COMMD6: variants seen among roughly 807,000 people sequenced by gnomAD.
The protein encoded by COMMD6 is COMM domain-containing protein 6.
COMMD6 carries 11 observed loss-of-function variants against 13.4 expected under a neutral mutation model. That is an observed-to-expected ratio of 0.82 (90% CI 0.52 to 1.36). The LOEUF (loss-of-function observed/expected upper bound fraction) is 1.36. Ranked by LOEUF, COMMD6 falls within the 40% of genes most tolerant of loss-of-function variation. COMMD6 has a pLI of 0.00. For synonymous variants in COMMD6, 43 were observed against 36.5 expected, an observed-to-expected ratio of 1.18 and a Z score of -0.64; for missense variants, 124 against 102.4, an observed-to-expected ratio of 1.21 and a Z score of -0.91.
At position 75,526,511 on chromosome 13, in the gene COMMD6, T is replaced by C. The variant is rs542385667; in HGVS notation, c.*78A>G. 1.1e-6 allele frequency: 1 copy of C among 944,390 alleles called. No individual in the cohort carries two copies. Among genetic ancestry groups the C allele is most frequent in the Non-Finnish European group, 1.6e-6 (1 of 614,368 alleles). 58.5% of individuals were successfully genotyped at this position (944,390 alleles called of 1,614,324 possible). A position where few individuals can be genotyped will look rare whatever the true frequency, so the allele number is the denominator to read the frequency against. The stretch of plus-strand genomic sequence containing the variant: ...CATTTTTCATTCAATAAATGTTCCA[T>C]CCTTATTTAGTTTTGTTGCCGAAAG... On this transcript the variant is annotated 3_prime_UTR_variant, in exon 4 of 4. Transcript: ENST00000682242.
intron 2 of COMMD6, among the ~76,000 whole-genome samples, chr13:75,534,594 C>T (rs1484014053): frequency 6.6e-5 from 10 of 152,002 alleles, no homozygotes; most frequent in Admixed American, 6.6e-4. Flanking sequence ...AAGAATGAAA[C>T]AATGTGCGGT....
chr13:75,542,290 C>CTTT (rs59815923), upstream of COMMD6, among the ~76,000 whole-genome samples: 69 of 138,116 alleles, frequency 5.0e-4, no homozygotes, highest in African/African-American at 1.5e-3. Context: ...TCTTTCTTTC[C>CTTT]TTTTTTTTTT....
At chr13:75,527,485 G>C (rs2030302531) in intron 3 of COMMD6, among the ~76,000 whole-genome samples, 1 of 152,150 alleles carries the variant, frequency 6.6e-6, no homozygotes, top group Non-Finnish European at 1.5e-5. Context: ...TTAGCTCTCA[G>C]TCATGTAATG....
intron 2 of COMMD6, among the ~76,000 whole-genome samples, chr13:75,532,218 G>A (rs2030505069): frequency 6.6e-6 from 1 of 152,158 alleles, no homozygotes; most frequent in South Asian, 2.1e-4. Context: ...GTGGTTACAC[G>A]AGTGTTCGCT....
rs540984017 is a variant in COMMD6 at position 75,527,939 on chromosome 13, G to A, written c.208-1300C>T. On this transcript the variant is annotated intron_variant, in intron 3 of 3. Coordinates refer to ENST00000682242, the MANE Select transcript of COMMD6 (RefSeq NM_203495.4). ...TCTGAGATCTAATGTACAATATGGT[G>A]ACTACAGTAATATTGTTATTGTTTA... 3.8e-6 allele frequency: 5 copies of A among 1,323,896 alleles called. No individual in the cohort carries two copies. In the East Asian group the frequency reaches 1.4e-4, roughly 37 times the overall value. The allele number at this position is 1,323,896 out of a possible 1,614,324, so 82.0% of individuals were successfully genotyped here.
At chr13:75,544,347 C>T (rs2030869763) in intron 1 of COMMD6, among the ~76,000 whole-genome samples, 1 of 152,156 alleles carries the variant, frequency 6.6e-6, no homozygotes, top group African/African-American at 2.4e-5. Flanking sequence ...AAGTTTTATG[C>T]CTTCCAGTTG....
In COMMD6 at chr13:75,537,790, C is replaced by T. The variant is rs1250055886; in HGVS notation, c.16G>A (p.Glu6Lys). The change falls in exon 1 of 4, where the codon GAG becomes AAG. Residue 6 changes from glutamate (E) to lysine (K), a missense_variant. Transcript: ENST00000682242. MEASS[E>K]PPLDAKSDVT... ...TCGGACTTAGCATCCAGCGGCGGCT[C>T]GCTGGACGCCTCCATGGGCAGCGTC... The T allele has an allele frequency of 2.5e-6, 4 of 1,610,316 alleles. No homozygotes were observed. Among genetic ancestry groups the T allele is most frequent in the Non-Finnish European group, 3.4e-6 (4 of 1,177,502 alleles).
chr13:75,543,140 A>G (rs1399304163), upstream of COMMD6, among the ~76,000 whole-genome samples: 5 of 152,238 alleles, frequency 3.3e-5, no homozygotes, highest in South Asian at 1.0e-3. Context: ...AGTATACATG[A>G]ACATAAAGAA....
intron 1 of COMMD6, among the ~76,000 whole-genome samples, chr13:75,544,725 T>C (rs1172221492): frequency 4.0e-5 from 6 of 151,892 alleles, no homozygotes. Flanking sequence ...ATCGCGCTAC[T>C]GCACTCCTAG....
chr13:75,537,220 A>T (rs1254975202), intron 2 of COMMD6, among the ~76,000 whole-genome samples: 1 of 152,256 alleles, frequency 6.6e-6, no homozygotes, highest in African/African-American at 2.4e-5. Context: ...GGGCTAAGAT[A>T]TACTTTAAAA....
chr13:75,530,525 C>T (rs1221371592), intron 2 of COMMD6: 5 of 266,194 alleles, frequency 1.9e-5, no homozygotes, highest in Non-Finnish European at 3.5e-5. Context: ...AAAATCTCCC[C>T]TCCAATGTAT....
intron 3 of COMMD6, chr13:75,527,755 G>A: frequency 7.6e-7 from 1 of 1,316,406 alleles, no homozygotes; most frequent in Non-Finnish European, 9.8e-7. Flanking sequence ...GCCAGACACA[G>A]AAAGGCTAAT....
In COMMD6 at chr13:75,530,271, A is replaced by G. The variant is rs376238835; in HGVS notation, c.55-5T>C. The G allele has an allele frequency of 6.2e-7, 1 of 1,606,878 alleles. No homozygotes were observed. Among genetic ancestry groups the G allele is most frequent in the Non-Finnish European group, 8.5e-7 (1 of 1,176,746 alleles). ...TTTCCACTGAAAATCTACAAGCTTT[A>G]ATAAGACAGGACAAAATAATACATT... is the stretch of plus-strand genomic sequence containing the variant. On this transcript the variant is annotated splice_polypyrimidine_tract_variant and splice_region_variant and intron_variant, in intron 2 of 3. Transcript: ENST00000682242.
At chr13:75,542,139 A>AT (rs375143751), upstream of COMMD6, among the ~76,000 whole-genome samples, 75 of 152,286 alleles carry the variant, frequency 4.9e-4, no homozygotes, top group African/African-American at 1.7e-3. Context: ...TTGCAAAAGT[A>AT]TTTTTTGTGT....
At chr13:75,539,788 A>G (rs1396199661), upstream of COMMD6, among the ~76,000 whole-genome samples, 2 of 152,062 alleles carry the variant, frequency 1.3e-5, no homozygotes, top group African/African-American at 4.8e-5. Context: ...AAAACCAAAA[A>G]ACAAACAAAA....
chr13:75,530,311 C>T (rs751771209), intron 2 of COMMD6, 45 bp from the exon 3 acceptor site: 1 of 1,476,194 alleles, frequency 6.8e-7, no homozygotes, highest in African/African-American at 1.4e-5. Context: ...GTAACATTAC[C>T]TGGAATGCAG....
upstream of COMMD6, among the ~76,000 whole-genome samples, chr13:75,539,938 G>C (rs1192829501): frequency 6.6e-6 from 1 of 151,536 alleles, no homozygotes; most frequent in Non-Finnish European, 1.5e-5. Context: ...CATCCAGCTG[G>C]TCAGTGTGTC....
Position 75,525,406 on chromosome 13 carries a change from T to G in COMMD6, c.*1183A>C, listed in dbSNP as rs538446306. 6.6e-6 allele frequency: 1 copy of G among 152,306 alleles called. No individual in the cohort carries two copies. The highest frequency in any genetic ancestry group is 2.4e-5 in the African/African-American group (1 of 41,562). The allele number at this position is 152,306 out of a possible 1,614,324, so 9.4% of individuals were successfully genotyped here. ...TCATGCACAGTTACAGAAGGCAGGT[T>G]TGCTGTTTTAACCCAGATAGAGGGG... On this transcript the variant is annotated 3_prime_UTR_variant, in exon 4 of 4. Transcript: ENST00000682242.
At position 75,537,597 on chromosome 13, in the gene COMMD6, G is replaced by T. The variant is rs2030719233; in HGVS notation, c.54+67C>A. 1.2e-5 allele frequency: 19 copies of T among 1,612,290 alleles called. No individual in the cohort carries two copies. The Middle Eastern group carries it at 8.9e-4, about 76-fold the overall frequency. ...AGGGGAGACCTGGGGAAGGCTCAGG[G>T]TGGCACGGCCTCGCGGCCGTGGGAG... On this transcript the variant is annotated intron_variant, in intron 2 of 3. Coordinates refer to ENST00000682242, the MANE Select transcript of COMMD6 (RefSeq NM_203495.4).
Sources: gnomAD v4.1 joint callset for allele counts (sites outside exome capture counted in the v4.1 genomes callset) on GRCh38, gnomAD v4.1.1 for gene constraint, MANE v1.5 for transcripts, NCBI Gene and HGNC (gene_info 2026-07-23, HGNC 2026-07-21) for gene names.